AJAP1: variants seen among roughly 807,000 people sequenced by gnomAD.
AJAP1 encodes adherens junctions associated protein 1, also known as adherens junction-associated protein 1.
AJAP1 carries 5 observed loss-of-function variants against 35.0 expected under a neutral mutation model. That is an observed-to-expected ratio of 0.14 (90% CI 0.07 to 0.30). AJAP1 has a LOEUF of 0.30. Ranked by LOEUF, AJAP1 falls within the 10% of genes least tolerant of loss-of-function variation. The pLI is 1.00. For missense variants in AJAP1, 586 were observed against 571.0 expected, an observed-to-expected ratio of 1.03 and a Z score of -0.27; for synonymous variants, 284 against 249.3, an observed-to-expected ratio of 1.14 and a Z score of -1.31.
At chr1:4,775,356 G>A (rs539498156) in intron 5 of AJAP1, among the ~76,000 whole-genome samples, 2 of 152,266 alleles carry the variant, frequency 1.3e-5, no homozygotes, top group South Asian at 2.1e-4. Context: ...TCTTTTCGAC[G>A]CTGGGCTTTC....
intron 1 of AJAP1, among the ~76,000 whole-genome samples, chr1:4,677,260 G>A (rs1639381478): frequency 1.3e-5 from 2 of 152,084 alleles, no homozygotes; most frequent in South Asian, 4.1e-4. Flanking sequence ...ATGTGGCTGG[G>A]ATGCTGCCAA....
chr1:4,657,723 T>A (rs892010948), intron 1 of AJAP1, among the ~76,000 whole-genome samples: 1 of 4,338 alleles, frequency 2.3e-4, no homozygotes, highest in African/African-American at 1.0e-3. Flanking sequence ...GGGGTGGGGG[T>A]GGGGGTGGGG....
intron 2 of AJAP1, among the ~76,000 whole-genome samples, chr1:4,714,108 G>A (rs191580123): frequency 1.5e-3 from 232 of 152,152 alleles, no homozygotes; most frequent in Middle Eastern, 0.01. Context: ...AGAACCTGCG[G>A]TTTTTTTTCT....
chr1:4,753,235 C>T (rs1313988580), intron 2 of AJAP1, among the ~76,000 whole-genome samples: 1 of 152,138 alleles, frequency 6.6e-6, no homozygotes. Context: ...AGAGTGGGTG[C>T]CCTGCAGCTT....
At chr1:4,704,022 T>C (rs1260369214) in intron 1 of AJAP1, among the ~76,000 whole-genome samples, 1 of 152,170 alleles carries the variant, frequency 6.6e-6, no homozygotes, top group Non-Finnish European at 1.5e-5. Flanking sequence ...CCCAGAAATG[T>C]TTGGAACATT....
At chr1:4,667,540 C>T (rs1557600788) in intron 1 of AJAP1, among the ~76,000 whole-genome samples, 1 of 152,214 alleles carries the variant, frequency 6.6e-6, no homozygotes, top group Non-Finnish European at 1.5e-5. Flanking sequence ...AAGGAGTGCA[C>T]AACCTAGATC....
intron 2 of AJAP1, among the ~76,000 whole-genome samples, chr1:4,728,325 T>G (rs751226086): frequency 5.9e-5 from 9 of 152,214 alleles, no homozygotes; most frequent in Admixed American, 1.3e-4. Context: ...TCCGATGGCA[T>G]GCTGGAGGGT....
At chr1:4,685,220 A>G (rs542980253) in intron 1 of AJAP1, among the ~76,000 whole-genome samples, 1 of 152,328 alleles carries the variant, frequency 6.6e-6, no homozygotes, top group Non-Finnish European at 1.5e-5. Context: ...AATCACGGAA[A>G]ACAAGGACAT....
chr1:4,775,986 G>T (rs1641932691), intron 5 of AJAP1, among the ~76,000 whole-genome samples: 1 of 152,230 alleles, frequency 6.6e-6, no homozygotes, highest in Non-Finnish European at 1.5e-5. Context: ...TAGGGACTGG[G>T]TCCTGATGGT....
In AJAP1 at chr1:4,786,128, C is replaced by G. The variant is rs1237057127; in HGVS notation, c.*3643C>G. 6.6e-6 allele frequency: 1 copy of G among 152,190 alleles called. No individual in the cohort carries two copies. The highest frequency in any genetic ancestry group is 1.5e-5 in the Non-Finnish European group (1 of 68,046). The allele number at this position is 152,190 out of a possible 1,614,324, so 9.4% of individuals were successfully genotyped here. A position where few individuals can be genotyped will look rare whatever the true frequency, so the allele number is the denominator to read the frequency against. On this transcript the variant is annotated 3_prime_UTR_variant, in exon 6 of 6. Coordinates refer to ENST00000378191, the MANE Select transcript of AJAP1 (RefSeq NM_018836.4). ...CATTGGGCTCAGATTCCAGCCATTA[C>G]CGAGACAAATCCAAGCCTTCTCACG...
In AJAP1 at chr1:4,782,950, A is replaced by G. The variant is rs1162930896; in HGVS notation, c.*465A>G. The G allele has an allele frequency of 2.5e-6, 1 of 398,044 alleles. No individual in the cohort carries two copies. The highest frequency in any genetic ancestry group is 3.6e-5 in the East Asian group (1 of 28,080). The allele number at this position is 398,044 out of a possible 1,614,324, so 24.7% of individuals were successfully genotyped here. On this transcript the variant is annotated 3_prime_UTR_variant, in exon 6 of 6. Transcript: ENST00000378191. The surrounding 1 kb of genome is among the most constrained non-coding windows in gnomAD (Gnocchi z 5.3). ...AGCCGGGGCCCAGCGAATCACGCAG[A>G]GAAATCTTACAGAAAACAGGGGTGG...
Position 4,711,961 on chromosome 1 carries a change from A to G in AJAP1, c.91A>G (p.Met31Val). Residue 31 changes from methionine to valine, a missense_variant, in exon 2 of 6, where the codon ATG becomes GTG. Physicochemically the swap from Met to Val is conservative, Grantham distance 21. Transcript: ENST00000378191. ...AAGCCATGCCTGGATACTGATAGCCATGTTTCAGCTCGCCGTGGACCTGCC... is the reference window on the plus strand; with the variant it reads ...AAGCCATGCCTGGATACTGATAGCCGTGTTTCAGCTCGCCGTGGACCTGCC... ...LGSHAWILIA[M>V]FQLAVDLPAC... is the part of the protein sequence containing the mutation. 1 of 1,578,836 alleles carries G rather than the reference A, an allele frequency of 6.3e-7. No homozygotes were observed. The highest frequency in any genetic ancestry group is 8.6e-7 in the Non-Finnish European group (1 of 1,167,768).
At chr1:4,778,751 CGTT>C (rs1422572763) in intron 5 of AJAP1, among the ~76,000 whole-genome samples, 1 of 152,204 alleles carries the variant, frequency 6.6e-6, no homozygotes, top group Non-Finnish European at 1.5e-5. Flanking sequence ...GCCACCCACT[CGTT>C]GATCCTCCAC....
intron 5 of AJAP1, among the ~76,000 whole-genome samples, chr1:4,775,792 G>A (rs964886329): frequency 1.3e-5 from 2 of 152,194 alleles, no homozygotes; most frequent in Non-Finnish European, 2.9e-5. Flanking sequence ...GGTAAGAGGC[G>A]GGTTGCCCCC....
chr1:4,672,815 A>G (rs1470743917), intron 1 of AJAP1, among the ~76,000 whole-genome samples: 2 of 152,158 alleles, frequency 1.3e-5, no homozygotes, highest in African/African-American at 2.4e-5. Context: ...GAAGATTTCT[A>G]ATCTATTGAC....
rs1639751399 is a variant in AJAP1 at position 4,692,037 on chromosome 1, C to G, written c.30-19863C>G. ...CAGCCTTTGCCCCAGGCCGGGTGTC[C>G]CTGAGACTGGCCGAGGCCCTCAGCC... On this transcript the variant is annotated intron_variant, in intron 1 of 5. Transcript: ENST00000378191. The surrounding 1 kb of genome is among the most constrained non-coding windows in gnomAD (Gnocchi z 4.4). 1.3e-5 allele frequency among the ~76,000 whole-genome samples: 2 copies of G among 152,122 alleles called. No homozygotes were observed. The highest frequency in any genetic ancestry group is 1.3e-4 in the Admixed American group (2 of 15,284).
chr1:4,696,935 G>A (rs1192860657), intron 1 of AJAP1, among the ~76,000 whole-genome samples: 1 of 152,048 alleles, frequency 6.6e-6, no homozygotes, highest in Non-Finnish European at 1.5e-5. Context: ...GTGTGCGTGT[G>A]TGTCTCTGCA....
intron 1 of AJAP1, among the ~76,000 whole-genome samples, chr1:4,687,288 C>T (rs748841104): frequency 6.6e-6 from 1 of 152,196 alleles, no homozygotes; most frequent in Non-Finnish European, 1.5e-5. Context: ...TCTGGGAAGC[C>T]GTGGATGGGT....
chr1:4,670,245 C>G (rs1430902599), intron 1 of AJAP1, among the ~76,000 whole-genome samples: 2 of 152,178 alleles, frequency 1.3e-5, no homozygotes, highest in Non-Finnish European at 2.9e-5. Flanking sequence ...TGTCTTTACT[C>G]CTTACACATC....
Sources: gnomAD v4.1 joint callset for allele counts (sites outside exome capture counted in the v4.1 genomes callset) on GRCh38, gnomAD v4.1.1 for gene constraint, Gnocchi (gnomAD v3.1) non-coding constraint, MANE v1.5 for transcripts, NCBI Gene and HGNC (gene_info 2026-07-23, HGNC 2026-07-21) for gene names.